RGS7: variants seen among roughly 807,000 people sequenced by gnomAD.
The protein encoded by RGS7 is regulator of G protein signaling 7, also known as regulator of G-protein signaling 7.
In RGS7, 27 loss-of-function variants were observed where a neutral mutation model predicts 81.1. The ratio of observed to expected loss-of-function variants is 0.33; its 90% CI spans 0.25 to 0.46. RGS7 has a LOEUF of 0.46. Ranked by LOEUF, RGS7 falls within the 20% of genes least tolerant of loss-of-function variation. The pLI is 1.00. For missense variants in RGS7, 396 were observed against 607.4 expected (o/e 0.65, Z 3.66); for synonymous variants, 208 against 207.7 (o/e 1.00, Z -0.01).
intron 2 of RGS7, among the ~76,000 whole-genome samples, chr1:241,184,781 CA>C: frequency 6.6e-6 from 1 of 152,024 alleles, no homozygotes; most frequent in Admixed American, 6.5e-5. Context: ...ACCCCGAATT[CA>C]AAACACTTTT....
intron 2 of RGS7, among the ~76,000 whole-genome samples, chr1:241,264,612 T>G (rs538624299): frequency 6.6e-6 from 1 of 152,332 alleles, no homozygotes; most frequent in South Asian, 2.1e-4. Flanking sequence ...GGGCATTCAA[T>G]AACCTCAGCT....
At chr1:240,876,673 G>C (rs1158375401) in intron 6 of RGS7, among the ~76,000 whole-genome samples, 1 of 152,118 alleles carries the variant, frequency 6.6e-6, no homozygotes. Context: ...AAACATTCAT[G>C]GCCATAGGCT....
At chr1:240,886,913 A>G (rs1572601838) in intron 6 of RGS7, among the ~76,000 whole-genome samples, 1 of 152,326 alleles carries the variant, frequency 6.6e-6, no homozygotes, top group East Asian at 1.9e-4. Flanking sequence ...ACAATGGCCC[A>G]TGAGTTTGAA....
chr1:241,279,304 A>G (rs1369047051), intron 2 of RGS7, among the ~76,000 whole-genome samples: 1 of 152,194 alleles, frequency 6.6e-6, no homozygotes, highest in African/African-American at 2.4e-5. Context: ...ACAGTGAAGA[A>G]TGGGTTCCCC....
intron 18 of RGS7, among the ~76,000 whole-genome samples, chr1:240,779,128 T>G (rs1683515697): frequency 6.6e-6 from 1 of 150,784 alleles, no homozygotes; most frequent in African/African-American, 2.5e-5. Context: ...TGTGTGTGTG[T>G]GTGTGTGTGA....
chr1:241,126,449 C>A (rs988521490), intron 2 of RGS7, among the ~76,000 whole-genome samples: 2 of 152,118 alleles, frequency 1.3e-5, no homozygotes, highest in African/African-American at 4.8e-5. Context: ...GTGCCTGGCC[C>A]CATTTATATT....
intron 2 of RGS7, among the ~76,000 whole-genome samples, chr1:241,307,956 G>A (rs1052574949): frequency 2.6e-5 from 4 of 152,150 alleles, no homozygotes; most frequent in African/African-American, 9.7e-5. Flanking sequence ...GTCATGTGTT[G>A]ATACTCAGCT....
chr1:240,833,792 G>A (rs771628937), intron 9 of RGS7, among the ~76,000 whole-genome samples: 10 of 151,520 alleles, frequency 6.6e-5, no homozygotes, highest in Non-Finnish European at 1.0e-4. Context: ...ATTTTAAAGT[G>A]TTCAGTCTCA....
chr1:241,009,873 A>G (rs1386921885), intron 3 of RGS7, among the ~76,000 whole-genome samples: 2 of 152,230 alleles, frequency 1.3e-5, no homozygotes, highest in African/African-American at 4.8e-5. Context: ...GTACCTAGTA[A>G]GACGACTTAA....
chr1:241,266,610 A>C (rs964463058), intron 2 of RGS7, among the ~76,000 whole-genome samples: 6 of 152,130 alleles, frequency 3.9e-5, no homozygotes, highest in Non-Finnish European at 8.8e-5. Flanking sequence ...GGCCTATTCC[A>C]CTTGTATTAC....
At chr1:241,261,456 C>T (rs1379238757) in intron 2 of RGS7, among the ~76,000 whole-genome samples, 1 of 151,082 alleles carries the variant, frequency 6.6e-6, no homozygotes. Context: ...CCAGTCTCTA[C>T]TAAAAAATAA....
intron 3 of RGS7, chr1:240,998,538 C>G (rs1687645254): frequency 2.2e-6 from 2 of 916,244 alleles, no homozygotes; most frequent in Non-Finnish European, 3.5e-6. Flanking sequence ...GGAGCAGCAG[C>G]AGCAGAGGCG....
chr1:240,978,182 C>A (rs567468996), intron 4 of RGS7, among the ~76,000 whole-genome samples: 2 of 152,312 alleles, frequency 1.3e-5, no homozygotes, highest in African/African-American at 4.8e-5. Flanking sequence ...TCCATCCACC[C>A]TGTCAATAAC....
chr1:240,800,844 G>A (rs1687911506), intron 17 of RGS7, 123 bp from the exon 18 acceptor site: 3 of 457,112 alleles, frequency 6.6e-6, no homozygotes, highest in East Asian at 3.8e-5. Flanking sequence ...CAAAACACAT[G>A]GCAAGATACT....
intron 6 of RGS7, among the ~76,000 whole-genome samples, chr1:240,911,918 G>T (rs1424961685): frequency 1.3e-5 from 2 of 151,394 alleles, no homozygotes; most frequent in African/African-American, 2.4e-5. Context: ...GAGGTGGGCG[G>T]ATCATGAGGT....
chr1:241,188,904 T>C (rs1312692058), intron 2 of RGS7, among the ~76,000 whole-genome samples: 1 of 152,244 alleles, frequency 6.6e-6, no homozygotes, highest in Non-Finnish European at 1.5e-5. Flanking sequence ...TCAGCAGAAC[T>C]TCAAACTATC....
At chr1:240,983,875 T>C (rs1024634405) in intron 3 of RGS7, among the ~76,000 whole-genome samples, 4 of 152,212 alleles carry the variant, frequency 2.6e-5, no homozygotes, top group Admixed American at 2.0e-4. Flanking sequence ...TGCTTAACAA[T>C]GTGTGATGAA....
chr1:241,176,797 A>C (rs1409902490), intron 2 of RGS7, among the ~76,000 whole-genome samples: 2 of 152,110 alleles, frequency 1.3e-5, no homozygotes, highest in Admixed American at 6.5e-5. Context: ...ACAGAAGACC[A>C]AGGCCTCATG....
intron 3 of RGS7, among the ~76,000 whole-genome samples, chr1:241,034,953 C>A (rs576470302): frequency 6.6e-6 from 1 of 152,084 alleles, no homozygotes; most frequent in Non-Finnish European, 1.5e-5. Flanking sequence ...TTCTTCCAAC[C>A]CTCCACTTCT....
Sources: allele counts gnomAD v4.1 joint callset (sites outside exome capture counted in the v4.1 genomes callset), GRCh38; gene constraint gnomAD v4.1.1; transcripts MANE v1.5; gene names NCBI Gene and HGNC (gene_info 2026-07-23, HGNC 2026-07-21).